Variants in CRY2 observed in about 807,000 individuals in gnomAD.
CRY2 encodes cryptochrome circadian regulator 2.
Under a neutral mutation model 69.5 loss-of-function variants are expected in CRY2, and 31 were observed. The observed-to-expected ratio is 0.45, with a 90% CI of 0.34 to 0.60. CRY2 has a LOEUF of 0.60. Among genes scored for constraint, CRY2 ranks in the 20% least tolerant of loss-of-function variants. CRY2 has a pLI of 0.02. For missense variants in CRY2, 606 were observed against 797.8 expected (o/e 0.76, Z 2.90); for synonymous variants, 303 against 312.2 (o/e 0.97, Z 0.31).
rs1400863543 is a variant in CRY2, at chr11:45,881,293, T to C, written c.*382T>C. The C allele has an allele frequency of 6.6e-6, 1 of 152,614 alleles. No individual in the cohort carries two copies. The highest frequency in any genetic ancestry group is 2.4e-5 in the African/African-American group (1 of 41,426). The allele number at this position is 152,614 out of a possible 1,614,324, so 9.5% of individuals were successfully genotyped here. On this transcript the variant is annotated 3_prime_UTR_variant, in exon 12 of 12. Transcript: ENST00000616080. ...CTGGCATCTGCCTCCCTAGACCTCC[T>C]TCCCTCCCTCCTCACGTCAGGCTGT... is the stretch of plus-strand genomic sequence containing the variant.
intron 11 of CRY2, among the ~76,000 whole-genome samples, chr11:45,875,916 T>C (rs190913830): frequency 6.6e-6 from 1 of 152,380 alleles, no homozygotes; most frequent in Non-Finnish European, 1.5e-5. Context: ...AATCACATTA[T>C]CATCTTGCAC....
At chr11:45,874,230 A>AC (rs1349985319) in intron 11 of CRY2, among the ~76,000 whole-genome samples, 3 of 152,064 alleles carry the variant, frequency 2.0e-5, no homozygotes, top group Non-Finnish European at 2.9e-5. Context: ...CAGTGAGCCG[A>AC]GATCGTGCCA....
At position 45,858,768 on chromosome 11, in the gene CRY2, C is replaced by G; in HGVS notation, c.362C>G (p.Ser121Cys). The change falls in exon 3 of 12, where the codon TCT becomes TGT. Residue 121 changes from serine to cysteine, a missense_variant. Physicochemically the swap from Ser to Cys is moderately radical, Grantham distance 112. Coordinates refer to ENST00000616080, the MANE Select transcript of CRY2 (RefSeq NM_021117.5). ...ACCCGCTTGACCTTTGAATATGACT[C>G]TGAACCCTTTGGGAAAGAACGGGAT... is the stretch of plus-strand genomic sequence containing the variant. ...GVTRLTFEYD[S>C]EPFGKERDAA... The G allele has an allele frequency of 6.2e-7, 1 of 1,614,208 alleles. No individual in the cohort carries two copies. Among genetic ancestry groups the G allele is most frequent in the Non-Finnish European group, 8.5e-7 (1 of 1,180,038 alleles).
intron 5 of CRY2, among the ~76,000 whole-genome samples, chr11:45,866,775 G>A (rs1365477575): frequency 6.6e-6 from 1 of 152,054 alleles, no homozygotes; most frequent in Non-Finnish European, 1.5e-5. Context: ...AGGAGAGGAT[G>A]TTGGGAGTTA....
chr11:45,870,737 A>G (rs2086372493), intron 9 of CRY2, 105 bp from the exon 10 acceptor site: 1 of 1,120,898 alleles, frequency 8.9e-7, no homozygotes, highest in Non-Finnish European at 1.3e-6. Flanking sequence ...ATGGAACCTC[A>G]GTGTCTTGCT....
intron 4 of CRY2, 31 bp downstream of exon 4, chr11:45,861,063 C>T (rs1233929934): frequency 6.3e-7 from 1 of 1,579,318 alleles, no homozygotes; most frequent in Non-Finnish European, 8.6e-7. Context: ...GCCACTTGTG[C>T]TGGTGCCTGC....
intron 5 of CRY2, among the ~76,000 whole-genome samples, chr11:45,865,620 A>G (rs1248648525): frequency 6.6e-6 from 1 of 152,218 alleles, no homozygotes; most frequent in Non-Finnish European, 1.5e-5. Context: ...ACAGTGGTCC[A>G]GAGGCAGCTG....
chr11:45,855,065 C>T (rs72902418), intron 1 of CRY2, among the ~76,000 whole-genome samples: 8,751 of 152,272 alleles, frequency 0.057, 362 homozygotes, highest in Non-Finnish European at 0.081. Context: ...AAAAATAAAA[C>T]GCTGAAGGCA....
intron 1 of CRY2, among the ~76,000 whole-genome samples, chr11:45,854,967 G>C (rs778523112): frequency 6.6e-6 from 1 of 152,174 alleles, no homozygotes; most frequent in Non-Finnish European, 1.5e-5. Flanking sequence ...AGTGAGGGAG[G>C]GGAAAACCCT....
At chr11:45,874,273 T>C (rs1330273432) in intron 11 of CRY2, among the ~76,000 whole-genome samples, 1 of 150,364 alleles carries the variant, frequency 6.7e-6, no homozygotes, top group Non-Finnish European at 1.5e-5. Context: ...AGAGCAAAAC[T>C]CTGTCTAAAA....
intron 11 of CRY2, among the ~76,000 whole-genome samples, chr11:45,878,368 T>C (rs1196324983): frequency 1.3e-5 from 2 of 152,112 alleles, no homozygotes; most frequent in Non-Finnish European, 2.9e-5. Flanking sequence ...ACAAAAAAAA[T>C]GGAGGTGTTG....
At chr11:45,867,776 A>C (rs757361700) in intron 6 of CRY2, 24 bp downstream of exon 6, 2 of 1,613,732 alleles carry the variant, frequency 1.2e-6, no homozygotes, top group Non-Finnish European at 1.7e-6. Flanking sequence ...ACCTGCCCAC[A>C]TTGCACCTAA....
chr11:45,856,549 C>T (rs762092396), intron 2 of CRY2, among the ~76,000 whole-genome samples: 1 of 152,236 alleles, frequency 6.6e-6, no homozygotes, highest in Admixed American at 6.5e-5. Context: ...GTAATCCCAG[C>T]ACTTTGGGAG....
intron 2 of CRY2, among the ~76,000 whole-genome samples, chr11:45,856,795 C>CAA (rs558781174): frequency 7.8e-5 from 5 of 64,218 alleles, no homozygotes; most frequent in Admixed American, 1.8e-4. Flanking sequence ...GACTCCGTCT[C>CAA]AAAAAAAAAA....
At chr11:45,873,284 T>C (rs1366415429) in intron 11 of CRY2, among the ~76,000 whole-genome samples, 1 of 152,224 alleles carries the variant, frequency 6.6e-6, no homozygotes, top group Non-Finnish European at 1.5e-5. Flanking sequence ...TCCCTCTTAC[T>C]TCAGGGCCAG....
chr11:45,864,765 G>A (rs1206766157), intron 5 of CRY2, among the ~76,000 whole-genome samples: 1 of 152,098 alleles, frequency 6.6e-6, no homozygotes, highest in Non-Finnish European at 1.5e-5. Flanking sequence ...CTACTTGGGA[G>A]GTTGAGGCAC....
At chr11:45,879,454 A>G (rs947237577) in intron 11 of CRY2, among the ~76,000 whole-genome samples, 3 of 152,174 alleles carry the variant, frequency 2.0e-5, no homozygotes, top group African/African-American at 7.2e-5. Context: ...ATTCACATGT[A>G]TGTCTGTTGG....
At chr11:45,878,322 T>C (rs749631907) in intron 11 of CRY2, among the ~76,000 whole-genome samples, 7 of 152,184 alleles carry the variant, frequency 4.6e-5, no homozygotes, top group Non-Finnish European at 1.0e-4. Context: ...ATGCACTCTT[T>C]ATCTTCCCCC....
At position 45,882,267 on chromosome 11, in the gene CRY2, TGTGTGTGTGTGTGCGTGTGTGGTAC is replaced by T. The variant is rs1480713646; in HGVS notation, c.*1370_*1394del. On this transcript the variant is annotated 3_prime_UTR_variant, in exon 12 of 12. Transcript: ENST00000616080. ...TGGCCTGCACTTGAGCCACAAAGTG[TGTGTGTGTGTGTGCGTGTGTGGTAC>T]GTGTGTGTGTGTGTGGCTATGAGGC... 4 of 197,980 alleles carry T rather than the reference TGTGTGTGTGTGTGCGTGTGTGGTAC, an allele frequency of 2.0e-5. No individual in the cohort carries two copies. The highest frequency in any genetic ancestry group is 1.2e-4 in the East Asian group (1 of 8,640). 12.3% of individuals were successfully genotyped at this position (197,980 alleles called of 1,614,324 possible).
Sources: allele counts gnomAD v4.1 joint callset (sites outside exome capture counted in the v4.1 genomes callset), GRCh38; gene constraint gnomAD v4.1.1; transcripts MANE v1.5; gene names NCBI Gene and HGNC (gene_info 2026-07-23, HGNC 2026-07-21).